Variants in SDK2 observed in about 807,000 individuals in gnomAD.
SDK2 encodes sidekick cell adhesion molecule 2.
Under a neutral mutation model 253.9 loss-of-function variants are expected in SDK2, and 105 were observed. The ratio of observed to expected loss-of-function variants is 0.41; its 90% CI spans 0.35 to 0.49. SDK2 has a LOEUF of 0.49. SDK2 is among the 20% of genes least tolerant of loss of function. The pLI is 0.06. For synonymous variants in SDK2, 1,249 were observed against 1,234.9 expected (o/e 1.01, Z -0.24); for missense variants, 2,608 against 3,003.0 (o/e 0.87, Z 3.07).
At position 73,629,655 on chromosome 17, in the gene SDK2, A is replaced by G. The variant is rs910009339; in HGVS notation, c.64+14370T>C. 2.6e-5 allele frequency among the ~76,000 whole-genome samples: 4 copies of G among 151,856 alleles called. No individual in the cohort carries two copies. The highest frequency in any genetic ancestry group is 9.7e-5 in the African/African-American group (4 of 41,296). On this transcript the variant is annotated intron_variant, in intron 1 of 44. Transcript: ENST00000392650. This position sits in a 1 kb window ranked among gnomAD's most constrained non-coding sequence, Gnocchi z 5.0. ...GCAGCATCTCAGGTCATCCCTCTGG[A>G]CTCCCAAATCACCTGTCCTATAGTA...
intron 1 of SDK2, among the ~76,000 whole-genome samples, chr17:73,524,011 A>C (rs1159904869): frequency 3.3e-5 from 5 of 152,180 alleles, no homozygotes; most frequent in Non-Finnish European, 7.3e-5. Context: ...GGAATGAATG[A>C]AAGGGATTTT....
Position 73,570,878 on chromosome 17 carries a change from C to G in SDK2, c.65-63281G>C, listed in dbSNP as rs1032574241. Among the ~76,000 whole-genome samples, 1 of 152,172 alleles carries G rather than the reference C, an allele frequency of 6.6e-6. No individual in the cohort carries two copies. The highest frequency in any genetic ancestry group is 6.5e-5 in the Admixed American group (1 of 15,282). ...AGGGACATGGCTGACCTCACATGCT[C>G]TGTGCCCCCTTTAGGGTCTCTGCTC... is the stretch of plus-strand genomic sequence containing the variant. On this transcript the variant is annotated intron_variant, in intron 1 of 44. Transcript: ENST00000392650. This position sits in a 1 kb window ranked among gnomAD's most constrained non-coding sequence, Gnocchi z 4.2.
chr17:73,363,897 C>T (rs527277049), intron 38 of SDK2, among the ~76,000 whole-genome samples: 3 of 152,072 alleles, frequency 2.0e-5, no homozygotes, highest in African/African-American at 2.4e-5. Context: ...CTGGCTCCCC[C>T]CTGGTGTTCT....
chr17:73,351,897 C>T (rs1434690066), intron 41 of SDK2, among the ~76,000 whole-genome samples: 2 of 151,768 alleles, frequency 1.3e-5, no homozygotes, highest in African/African-American at 4.8e-5. Context: ...TGTGCTTCTG[C>T]TTGGGGGAAG....
At chr17:73,412,117 TATAC>T (rs1341273551) in intron 18 of SDK2, among the ~76,000 whole-genome samples, 4 of 40,514 alleles carry the variant, frequency 9.9e-5, no homozygotes, top group Non-Finnish European at 1.4e-4. Context: ...CGTATATATG[TATAC>T]GTATATATGT....
intron 2 of SDK2, among the ~76,000 whole-genome samples, chr17:73,491,813 C>T (rs1196723155): frequency 6.6e-6 from 1 of 152,218 alleles, no homozygotes; most frequent in African/African-American, 2.4e-5. Flanking sequence ...TGGACCAGAA[C>T]TGTGCTAAGG....
At chr17:73,348,963 TA>T (rs2062510165) in intron 43 of SDK2, among the ~76,000 whole-genome samples, 2 of 152,318 alleles carry the variant, frequency 1.3e-5, no homozygotes, top group African/African-American at 4.8e-5. Flanking sequence ...AGGGTGAATG[TA>T]GGGGGGATGT....
At chr17:73,553,979 T>G (rs1007065047) in intron 1 of SDK2, among the ~76,000 whole-genome samples, 1 of 152,012 alleles carries the variant, frequency 6.6e-6, no homozygotes, top group Non-Finnish European at 1.5e-5. Context: ...GACAGGAGCA[T>G]GGAGGGAGGG....
chr17:73,403,428 C>A (rs1045363535), intron 18 of SDK2, among the ~76,000 whole-genome samples: 1 of 152,084 alleles, frequency 6.6e-6, no homozygotes, highest in Non-Finnish European at 1.5e-5. Flanking sequence ...GGCCCCCGCC[C>A]CCTCCCGCCT....
intron 1 of SDK2, among the ~76,000 whole-genome samples, chr17:73,575,066 G>A (rs2045440037): frequency 1.3e-5 from 2 of 152,206 alleles, no homozygotes; most frequent in South Asian, 2.1e-4. Context: ...TTAGTGGGAG[G>A]CTGGGCTCTG....
chr17:73,549,210 G>A (rs1371821658), intron 1 of SDK2, among the ~76,000 whole-genome samples: 1 of 152,202 alleles, frequency 6.6e-6, no homozygotes, highest in Admixed American at 6.5e-5. Flanking sequence ...TGAGGAGCAG[G>A]GAGGAGTAGA....
At chr17:73,606,923 G>C (rs2045915984) in intron 1 of SDK2, among the ~76,000 whole-genome samples, 1 of 152,140 alleles carries the variant, frequency 6.6e-6, no homozygotes, top group Admixed American at 6.5e-5. Context: ...GAACCAGAAG[G>C]GTGGTTTTCC....
intron 5 of SDK2, among the ~76,000 whole-genome samples, chr17:73,446,027 C>T (rs946014085): frequency 1.3e-5 from 2 of 152,100 alleles, no homozygotes; most frequent in South Asian, 2.1e-4. Context: ...CCTAGTTTAA[C>T]GCCTATGAGG....
chr17:73,395,447 G>A lies in SDK2; in HGVS notation c.3355-55C>T. On this transcript the variant is annotated intron_variant, in intron 24 of 44. Coordinates refer to ENST00000392650, the MANE Select transcript of SDK2 (RefSeq NM_001144952.2). The surrounding 1 kb of genome is among the most constrained non-coding windows in gnomAD (Gnocchi z 4.3). ...TATGAGCCAGGCCCCCCACTGTGCA[G>A]GGAGGAACTGCCCTGCTACCCTCTC... 1 of 1,450,164 alleles carries A rather than the reference G, an allele frequency of 6.9e-7. No individual in the cohort carries two copies. The highest frequency in any genetic ancestry group is 1.2e-5 in the South Asian group (1 of 85,976). 89.8% of individuals were successfully genotyped at this position (1,450,164 alleles called of 1,614,324 possible).
rs753609924 is a variant in SDK2, at chr17:73,348,661, C to T, written c.6103G>A (p.Asp2035Asn). 25 of 1,612,538 alleles carry T rather than the reference C, an allele frequency of 1.6e-5. No individual in the cohort carries two copies. Among genetic ancestry groups the T allele is most frequent in the South Asian group, 3.3e-5 (3 of 91,028 alleles). The change falls in exon 44 of 45, where the codon GAC becomes AAC. Residue 2035 changes from aspartate (D) to asparagine (N), a missense_variant. By Grantham distance (23) the Asp-to-Asn change is conservative. Transcript: ENST00000392650. The part of the protein sequence containing the change: ...YSDEDVTKYN[D>N]LIPAESSSLT... ...CTGCTGCTCTCTGCAGGGATGAGGT[C>T]GTTGTATTTGGTGACATCCTCATCC...
At chr17:73,507,186 A>C (rs1408599288) in intron 2 of SDK2, among the ~76,000 whole-genome samples, 1 of 152,216 alleles carries the variant, frequency 6.6e-6, no homozygotes, top group East Asian at 1.9e-4. Flanking sequence ...GCTCCTATGC[A>C]CTGTGGTACA....
chr17:73,341,908 C>T (rs942852771), intron 44 of SDK2, among the ~76,000 whole-genome samples: 2 of 152,150 alleles, frequency 1.3e-5, no homozygotes, highest in Admixed American at 6.5e-5. Flanking sequence ...TGAGCACCGA[C>T]GCTGCCTGGG....
Position 73,512,550 on chromosome 17 carries a change from TAC to T in SDK2, c.65-4955_65-4954del, listed in dbSNP as rs144659441. Among the ~76,000 whole-genome samples the T allele has an allele frequency of 6.3e-3, 942 of 148,470 alleles. 5 individuals carry two copies. The highest frequency in any genetic ancestry group is 0.01 in the Non-Finnish European group (701 of 66,800). Reference sequence around the variant, plus strand: ...TTTCTTCACCTCAAACACACACACATACACACACACACACACACACACATACA... The same window carrying T: ...TTTCTTCACCTCAAACACACACACATACACACACACACACACACACATACA... On this transcript the variant is annotated intron_variant, in intron 1 of 44. Transcript: ENST00000392650.
Position 73,431,413 on chromosome 17 carries a change from G to T in SDK2, c.1480+89C>A. 7.7e-7 allele frequency: 1 copy of T among 1,293,184 alleles called. No individual in the cohort carries two copies. Among genetic ancestry groups the T allele is most frequent in the Non-Finnish European group, 1.1e-6 (1 of 941,894 alleles). The allele number at this position is 1,293,184 out of a possible 1,614,324, so 80.1% of individuals were successfully genotyped here. A position where few individuals can be genotyped will look rare whatever the true frequency, so the allele number is the denominator to read the frequency against. On this transcript the variant is annotated intron_variant, in intron 11 of 44. Coordinates refer to ENST00000392650, the MANE Select transcript of SDK2 (RefSeq NM_001144952.2). The surrounding 1 kb of genome is among the most constrained non-coding windows in gnomAD (Gnocchi z 5.6). ...GGAGACACTGGTGGTATGAGCCTGT[G>T]CCCCGTAGCTGTCCTGAGTCCTCAG...
Sources: gnomAD v4.1 joint callset for allele counts (sites outside exome capture counted in the v4.1 genomes callset) on GRCh38, gnomAD v4.1.1 for gene constraint, Gnocchi (gnomAD v3.1) non-coding constraint, MANE v1.5 for transcripts, NCBI Gene and HGNC (gene_info 2026-07-23, HGNC 2026-07-21) for gene names.